The following PTPRG variants were observed in gnomAD, a reference collection of about 807,000 sequenced individuals.
The protein encoded by PTPRG is receptor-type tyrosine-protein phosphatase gamma.
PTPRG carries 102 observed loss-of-function variants against 165.3 expected under a neutral mutation model. That is an observed-to-expected ratio of 0.62 (90% confidence interval 0.53 to 0.73). The LOEUF is 0.73. Among genes scored for constraint, PTPRG ranks in the 30% least tolerant of loss-of-function variants. PTPRG has a pLI of 0.00. For synonymous variants in PTPRG, 675 were observed against 669.5 expected (o/e 1.01, Z -0.13); for missense variants, 1,866 against 1,861.4 (o/e 1.00, Z -0.05).
At position 61,738,886 on chromosome 3, in the gene PTPRG, C is replaced by T. The variant is rs563400359; in HGVS notation, c.86-9992C>T. On this transcript the variant is annotated intron_variant, in intron 1 of 29. Transcript: ENST00000474889. ...GACTCCTGGGCACAAGTGATCCTCC[C>T]GTCTCAGCCTCCTGAATAGCTGGAA... Among the ~76,000 whole-genome samples the T allele has an allele frequency of 2.2e-4, 33 of 151,884 alleles. 2 individuals carry two copies. In the East Asian group the frequency reaches 3.9e-3, roughly 18 times the overall value.
chr3:61,763,735 A>G (rs2033931365), intron 2 of PTPRG, among the ~76,000 whole-genome samples: 1 of 152,146 alleles, frequency 6.6e-6, no homozygotes, highest in Admixed American at 6.5e-5. Context: ...TCTAGGAAAG[A>G]AATGTGTTTA....
At chr3:61,745,306 C>G (rs1245762941) in intron 1 of PTPRG, among the ~76,000 whole-genome samples, 1 of 152,160 alleles carries the variant, frequency 6.6e-6, no homozygotes, top group African/African-American at 2.4e-5. Flanking sequence ...CTTGGCCTCC[C>G]AAAGTGCTGG....
intron 2 of PTPRG, among the ~76,000 whole-genome samples, chr3:61,901,459 G>A (rs759912108): frequency 5.3e-5 from 8 of 152,094 alleles, no homozygotes; most frequent in Non-Finnish European, 1.0e-4. Flanking sequence ...CCCTCTGGGT[G>A]GTATACACTG....
intron 4 of PTPRG, among the ~76,000 whole-genome samples, chr3:62,032,772 G>A (rs1474172808): frequency 6.6e-6 from 1 of 152,122 alleles, no homozygotes; most frequent in Non-Finnish European, 1.5e-5. Flanking sequence ...TTTATGGCTG[G>A]AAATTTTAAT....
At position 62,178,062 on chromosome 3, in the gene PTPRG, G is replaced by A. The variant is rs1002188165; in HGVS notation, c.1033+9899G>A. Among the ~76,000 whole-genome samples, 12 of 152,038 alleles carry A rather than the reference G, an allele frequency of 7.9e-5. 1 individual carries two copies. In the South Asian group the frequency reaches 2.3e-3, roughly 29 times the overall value. Reference sequence around the variant, plus strand: ...TGTTGGGTGGGTGGGTGGGTGGATGGATGGATGGATGAAAATGTGAATCCA... The same window carrying A: ...TGTTGGGTGGGTGGGTGGGTGGATGAATGGATGGATGAAAATGTGAATCCA... On this transcript the variant is annotated intron_variant, in intron 8 of 29. Coordinates refer to ENST00000474889, the MANE Select transcript of PTPRG (RefSeq NM_002841.4).
At chr3:62,061,418 C>T (rs926831020) in intron 4 of PTPRG, among the ~76,000 whole-genome samples, 8 of 152,054 alleles carry the variant, frequency 5.3e-5, no homozygotes, top group African/African-American at 9.7e-5. Context: ...ACACCATCTC[C>T]GGTAGACTTT....
chr3:62,137,837 C>T (rs1703770415), intron 6 of PTPRG, among the ~76,000 whole-genome samples: 1 of 152,162 alleles, frequency 6.6e-6, no homozygotes, highest in African/African-American at 2.4e-5. Flanking sequence ...CTCAAAACAG[C>T]AATTTTAAAA....
intron 4 of PTPRG, among the ~76,000 whole-genome samples, chr3:62,010,337 T>C (rs79391716): frequency 0.051 from 7,709 of 151,624 alleles, 267 homozygotes; most frequent in African/African-American, 0.1. Flanking sequence ...CACAATGTTT[T>C]CCCAAACTTA....
At chr3:61,992,942 C>T (rs1030290201) in intron 3 of PTPRG, among the ~76,000 whole-genome samples, 2 of 152,222 alleles carry the variant, frequency 1.3e-5, no homozygotes, top group Non-Finnish European at 2.9e-5. Context: ...GCTAGGATTA[C>T]AGGCATGAGC....
intron 2 of PTPRG, among the ~76,000 whole-genome samples, chr3:61,949,936 C>T (rs990158379): frequency 5.9e-5 from 9 of 152,044 alleles, no homozygotes; most frequent in Non-Finnish European, 1.3e-4. Flanking sequence ...TTAGTAGAGA[C>T]TGGATTTCAC....
chr3:61,945,536 G>A (rs1314942958), intron 2 of PTPRG, among the ~76,000 whole-genome samples: 4 of 109,854 alleles, frequency 3.6e-5, no homozygotes, highest in African/African-American at 1.1e-4. Context: ...TCCAGCCTGG[G>A]CAATAGGAAT....
At chr3:62,029,689 T>G (rs1343057968) in intron 4 of PTPRG, among the ~76,000 whole-genome samples, 2 of 152,212 alleles carry the variant, frequency 1.3e-5, no homozygotes, top group Non-Finnish European at 2.9e-5. Context: ...ATTCTGATTG[T>G]GCCAAAAGGA....
chr3:61,608,606 G>A (rs1701078568), intron 1 of PTPRG, among the ~76,000 whole-genome samples: 1 of 152,190 alleles, frequency 6.6e-6, no homozygotes. Flanking sequence ...CTGGATTCTT[G>A]TTCGACTTCT....
At chr3:61,914,422 G>A (rs1360102044) in intron 2 of PTPRG, among the ~76,000 whole-genome samples, 2 of 152,144 alleles carry the variant, frequency 1.3e-5, no homozygotes, top group African/African-American at 4.8e-5. Flanking sequence ...GTGACTCCCG[G>A]CAATATTTGG....
At chr3:61,838,694 A>C (rs1371734061) in intron 2 of PTPRG, among the ~76,000 whole-genome samples, 1 of 152,224 alleles carries the variant, frequency 6.6e-6, no homozygotes, top group Non-Finnish European at 1.5e-5. Flanking sequence ...ATAACACTGT[A>C]ATGTTCCATA....
chr3:62,198,802 A>G (rs896590926), intron 10 of PTPRG, among the ~76,000 whole-genome samples: 6 of 152,262 alleles, frequency 3.9e-5, no homozygotes, highest in Non-Finnish European at 7.3e-5. Context: ...AATATCTGAG[A>G]TTTCAATCAG....
intron 2 of PTPRG, among the ~76,000 whole-genome samples, chr3:61,864,402 TCTC>T (rs1486316515): frequency 6.6e-6 from 1 of 152,124 alleles, no homozygotes; most frequent in Non-Finnish European, 1.5e-5. Flanking sequence ...GGACAGTGCT[TCTC>T]CTTGTGTCCC....
At chr3:62,072,031 A>AC (rs1701225088) in intron 4 of PTPRG, among the ~76,000 whole-genome samples, 3 of 152,252 alleles carry the variant, frequency 2.0e-5, no homozygotes, top group Non-Finnish European at 4.4e-5. Context: ...ACATGTAGGA[A>AC]ACCAGACATA....
intron 2 of PTPRG, among the ~76,000 whole-genome samples, chr3:61,827,034 G>C (rs573279496): frequency 6.6e-6 from 1 of 152,032 alleles, no homozygotes; most frequent in African/African-American, 2.4e-5. Context: ...TGAGAATATC[G>C]ATATGAATGA....
Sources: gnomAD v4.1 joint callset for allele counts (sites outside exome capture counted in the v4.1 genomes callset) on GRCh38, gnomAD v4.1.1 for gene constraint, MANE v1.5 for transcripts, NCBI Gene and HGNC (gene_info 2026-07-23, HGNC 2026-07-21) for gene names.